The following CCDC50 variants were observed in gnomAD, a reference collection of about 807,000 sequenced individuals.
CCDC50 encodes the protein coiled-coil domain containing 50.
A neutral mutation model predicts 70.2 loss-of-function variants in CCDC50; 54 were observed. The observed-to-expected ratio is 0.77, with a 90% CI of 0.62 to 0.96. The LOEUF (loss-of-function observed/expected upper bound fraction) is 0.96, where lower values mean the gene tolerates loss of function less well. CCDC50 is among the 50% of genes least tolerant of loss of function. The pLI, the probability that CCDC50 is intolerant of heterozygous loss-of-function variation, is 0.00. For synonymous variants in CCDC50, 216 were observed against 198.8 expected, an observed-to-expected ratio of 1.09 and a Z score of -0.73; for missense variants, 558 against 578.7, an observed-to-expected ratio of 0.96 and a Z score of 0.37.
chr3:191,382,677 CTTTG>C (rs879248019), intron 9 of CCDC50, 65 bp from the exon 10 acceptor site: 47 of 1,005,010 alleles, frequency 4.7e-5, no homozygotes, highest in East Asian at 1.7e-4. Flanking sequence ...TAATCTTTCC[CTTTG>C]TTTGATGATT....
At chr3:191,338,621 T>C (rs293865) in intron 1 of CCDC50, among the ~76,000 whole-genome samples, 151,328 of 152,352 alleles carry the variant, frequency 0.99, 75,156 homozygotes, top group East Asian at 1. Flanking sequence ...CTGGTCAGAC[T>C]TCATTATTTC....
At position 191,351,776 on chromosome 3, in the gene CCDC50, A is replaced by G. The variant is rs1161023820; in HGVS notation, c.50-5312A>G. ...TGTATACCAGGAAGCCTATGTAAAA[A>G]AAGAACCAATTCCTTATGAGGGTGC... On this transcript the variant is annotated intron_variant, in intron 1 of 11. Transcript: ENST00000392455. Among the ~76,000 whole-genome samples the G allele has an allele frequency of 2.8e-5, 4 of 141,140 alleles. 2 individuals carry two copies. 92.6% of individuals were successfully genotyped at this position (141,140 alleles called of 152,430 possible).
At chr3:191,359,727 C>T (rs1449735630) in intron 3 of CCDC50, among the ~76,000 whole-genome samples, 1 of 152,130 alleles carries the variant, frequency 6.6e-6, no homozygotes, top group African/African-American at 2.4e-5. Context: ...TTATGAGGCT[C>T]AGTGTCACAG....
chr3:191,350,083 T>C (rs1712058125), intron 1 of CCDC50, among the ~76,000 whole-genome samples: 1 of 138,344 alleles, frequency 7.2e-6, no homozygotes, highest in Non-Finnish European at 1.6e-5. Flanking sequence ...ATTCAAGCCG[T>C]TTTATTTCTC....
chr3:191,362,608 G>C (rs1003607004), intron 4 of CCDC50, among the ~76,000 whole-genome samples: 1 of 152,136 alleles, frequency 6.6e-6, no homozygotes, highest in African/African-American at 2.4e-5. Context: ...CACTTTCGAG[G>C]GTTATAAGCA....
intron 1 of CCDC50, among the ~76,000 whole-genome samples, chr3:191,344,524 A>G (rs1711841968): frequency 6.6e-6 from 1 of 152,196 alleles, no homozygotes; most frequent in Admixed American, 6.5e-5. Context: ...ACGATGTTGG[A>G]TCGATAGAAC....
chr3:191,379,502 G>T (rs1713233007), intron 6 of CCDC50, among the ~76,000 whole-genome samples: 1 of 152,094 alleles, frequency 6.6e-6, no homozygotes, highest in South Asian at 2.1e-4. Context: ...AATTGGAATA[G>T]AACTCTGGTC....
intron 1 of CCDC50, among the ~76,000 whole-genome samples, chr3:191,347,642 C>G (rs1711971085): frequency 7.0e-6 from 1 of 141,930 alleles, no homozygotes; most frequent in Admixed American, 7.2e-5. Flanking sequence ...CCAAAGAAAC[C>G]AAGAATTGAC....
At position 191,347,218 on chromosome 3, in the gene CCDC50, C is replaced by A. The variant is rs1015974063; in HGVS notation, c.50-9870C>A. On this transcript the variant is annotated intron_variant, in intron 1 of 11. Transcript: ENST00000392455. ...GAATTTCTGAAGGTTTTTCTCCTTT[C>A]TTCTTATTTTTTGGATATCAACCTT... Among the ~76,000 whole-genome samples the A allele has an allele frequency of 2.1e-5, 3 of 142,000 alleles. 1 individual carries two copies. The highest frequency in any genetic ancestry group is 7.5e-5 in the African/African-American group (3 of 39,836). 93.2% of individuals were successfully genotyped at this position (142,000 alleles called of 152,430 possible). A position where few individuals can be genotyped will look rare whatever the true frequency, so the allele number is the denominator to read the frequency against.
intron 4 of CCDC50, among the ~76,000 whole-genome samples, chr3:191,366,647 A>G (rs1219300816): frequency 1.3e-5 from 2 of 151,994 alleles, no homozygotes; most frequent in African/African-American, 2.4e-5. Context: ...TAAATTTGGA[A>G]AATTATAGGT....
At chr3:191,340,075 C>T (rs1403107275) in intron 1 of CCDC50, among the ~76,000 whole-genome samples, 1 of 152,176 alleles carries the variant, frequency 6.6e-6, no homozygotes, top group African/African-American at 2.4e-5. Flanking sequence ...AAATGTCTAT[C>T]ACTTACACTA....
At chr3:191,388,123 CTA>C (rs1197472759) in intron 10 of CCDC50, among the ~76,000 whole-genome samples, 2 of 151,704 alleles carry the variant, frequency 1.3e-5, no homozygotes, top group Admixed American at 6.6e-5. Flanking sequence ...GCATTATTCA[CTA>C]TGTTTCCATT....
intron 3 of CCDC50, 30 bp from the exon 4 acceptor site, chr3:191,361,039 C>A: frequency 6.9e-7 from 1 of 1,444,656 alleles, no homozygotes; most frequent in Non-Finnish European, 9.7e-7. Context: ...TTTTATTTTC[C>A]TTATTCATGT....
intron 4 of CCDC50, among the ~76,000 whole-genome samples, chr3:191,362,463 A>G (rs923901517): frequency 4.6e-5 from 7 of 152,170 alleles, no homozygotes; most frequent in African/African-American, 1.2e-4. Context: ...ATTTCATTTT[A>G]CATCATTTCT....
intron 3 of CCDC50, among the ~76,000 whole-genome samples, chr3:191,360,312 T>C (rs1712439447): frequency 6.6e-6 from 1 of 152,240 alleles, no homozygotes; most frequent in Non-Finnish European, 1.5e-5. Context: ...TTATTTTCTG[T>C]ACCAGGAGAT....
chr3:191,393,238 C>G lies in CCDC50; in HGVS notation c.*1478C>G, dbSNP rs1713756047. ...GCTCACTTGTTCTCCCTCTCTCTGT[C>G]TCCCCCCCATGTACACATATATATA... On this transcript the variant is annotated 3_prime_UTR_variant, in exon 12 of 12. Coordinates refer to ENST00000392455, the MANE Select transcript of CCDC50 (RefSeq NM_178335.3). The G allele has an allele frequency of 6.6e-6, 1 of 152,140 alleles. No individual in the cohort carries two copies. The highest frequency in any genetic ancestry group is 1.5e-5 in the Non-Finnish European group (1 of 68,036). The allele number at this position is 152,140 out of a possible 1,614,324, so 9.4% of individuals were successfully genotyped here.
Position 191,395,151 on chromosome 3 carries a change from GAACT to G in CCDC50, c.*3392_*3395del. The G allele has an allele frequency of 8.3e-6, 1 of 120,790 alleles. No homozygotes were observed. The highest frequency in any genetic ancestry group is 1.7e-5 in the Non-Finnish European group (1 of 58,364). 7.5% of individuals were successfully genotyped at this position (120,790 alleles called of 1,614,324 possible). On this transcript the variant is annotated 3_prime_UTR_variant, in exon 12 of 12. Coordinates refer to ENST00000392455, the MANE Select transcript of CCDC50 (RefSeq NM_178335.3). ...TGTGACCTTGGGCTTTGTGTTTACT[GAACT>G]CACTCTAGAAAATTCTGGACCTGAT...
intron 1 of CCDC50, 60 bp from the exon 2 acceptor site, chr3:191,357,028 T>A: frequency 9.3e-7 from 1 of 1,069,948 alleles, no homozygotes; most frequent in South Asian, 1.3e-5. Flanking sequence ...AATCCTTTCC[T>A]TTGTATGTTA....
chr3:191,376,768 C>T (rs140821241), intron 6 of CCDC50, among the ~76,000 whole-genome samples: 4 of 151,986 alleles, frequency 2.6e-5, no homozygotes, highest in Admixed American at 1.3e-4. Flanking sequence ...TAAAGAGCTG[C>T]GGAAAAATAG....
Sources: gnomAD v4.1 joint callset for allele counts (sites outside exome capture counted in the v4.1 genomes callset) on GRCh38, gnomAD v4.1.1 for gene constraint, MANE v1.5 for transcripts, NCBI Gene and HGNC (gene_info 2026-07-23, HGNC 2026-07-21) for gene names.